RELN: variants seen among roughly 807,000 people sequenced by gnomAD.
RELN encodes the protein reelin.
Under a neutral mutation model 427.6 loss-of-function variants are expected in RELN, and 108 were observed. That is an observed-to-expected ratio of 0.25 (90% confidence interval 0.22 to 0.30). The LOEUF is 0.30. Ranked by LOEUF, RELN falls within the 10% of genes least tolerant of loss-of-function variation. The pLI is 1.00. For synonymous variants in RELN, 1,524 were observed against 1,513.4 expected (o/e 1.01, Z -0.16); for missense variants, 3,715 against 4,302.8 (o/e 0.86, Z 3.82).
intron 4 of RELN, among the ~76,000 whole-genome samples, chr7:103,755,926 C>T (rs1234222837): frequency 6.6e-6 from 1 of 151,594 alleles, no homozygotes; most frequent in Non-Finnish European, 1.5e-5. Flanking sequence ...AAAGAAAAAC[C>T]CTGTCTACAC....
intron 17 of RELN, among the ~76,000 whole-genome samples, chr7:103,637,386 G>T (rs977525347): frequency 9.9e-5 from 15 of 152,168 alleles, no homozygotes; most frequent in African/African-American, 3.6e-4. Flanking sequence ...TACAAAGCAA[G>T]TGTACCAATG....
chr7:103,966,685 A>G (rs984388961), intron 1 of RELN, among the ~76,000 whole-genome samples: 1 of 152,238 alleles, frequency 6.6e-6, no homozygotes, highest in African/African-American at 2.4e-5. Context: ...CGGAAGCTAC[A>G]AATGTACCAG....
chr7:103,972,894 A>ATGTG (rs34930399), intron 1 of RELN, among the ~76,000 whole-genome samples: 4,449 of 149,246 alleles, frequency 0.03, 224 homozygotes, highest in African/African-American at 0.098. Context: ...GCATATGATT[A>ATGTG]TGTGTGTGTG....
At chr7:103,547,142 T>G (rs1286272625) in intron 41 of RELN, among the ~76,000 whole-genome samples, 2 of 152,202 alleles carry the variant, frequency 1.3e-5, no homozygotes, top group Non-Finnish European at 2.9e-5. Context: ...AATTTTCAAT[T>G]ATCATAGAAA....
intron 8 of RELN, among the ~76,000 whole-genome samples, chr7:103,707,782 C>A (rs1023982016): frequency 5.9e-5 from 9 of 152,180 alleles, no homozygotes; most frequent in Admixed American, 1.3e-4. Context: ...CAGGCACGAG[C>A]CACCACGCCC....
chr7:103,955,830 T>C (rs1796421944), intron 1 of RELN, among the ~76,000 whole-genome samples: 1 of 152,190 alleles, frequency 6.6e-6, no homozygotes, highest in African/African-American at 2.4e-5. Context: ...GCTTCAGACC[T>C]TGTCCTGAGA....
In RELN at chr7:103,545,249, T is replaced by G. The variant is rs1349996046; in HGVS notation, c.6398A>C (p.Glu2133Ala). 3 of 1,613,708 alleles carry G rather than the reference T, an allele frequency of 1.9e-6. No individual in the cohort carries two copies. The highest frequency in any genetic ancestry group is 2.5e-6 in the Non-Finnish European group (3 of 1,179,714). Reference protein sequence around the residue: ...IDNVYIGPQCEEMCNGQGSCI... With the variant: ...IDNVYIGPQCAEMCNGQGSCI... ...GCTCCCCTGTCCATTACACATCTCCTCACACTGGGGACCGATGTAGACATT... is the reference window on the plus strand; with the variant it reads ...GCTCCCCTGTCCATTACACATCTCCGCACACTGGGGACCGATGTAGACATT... The change falls in exon 42 of 65, where the codon GAG becomes GCG. Residue 2133 changes from glutamate to alanine, a missense_variant. This residue lies in a region of RELN where 1,310 missense variants were observed against 1,643.0 expected (regional missense o/e 0.80). Transcript: ENST00000428762.
chr7:103,939,453 A>G (rs989196521), intron 1 of RELN, among the ~76,000 whole-genome samples: 4 of 152,148 alleles, frequency 2.6e-5, no homozygotes, highest in African/African-American at 4.8e-5. Flanking sequence ...GCCCAAGATA[A>G]ATACAGACAG....
At chr7:103,548,582 G>T (rs1830349198) in intron 41 of RELN, among the ~76,000 whole-genome samples, 1 of 152,196 alleles carries the variant, frequency 6.6e-6, no homozygotes. Flanking sequence ...ATACCATTCT[G>T]AGAACAGGCA....
chr7:103,497,506 G>A (rs1828876908), intron 55 of RELN, among the ~76,000 whole-genome samples: 1 of 152,044 alleles, frequency 6.6e-6, no homozygotes, highest in East Asian at 1.9e-4. Context: ...TTTTAAAAAT[G>A]ATCTTTTACT....
intron 45 of RELN, among the ~76,000 whole-genome samples, chr7:103,538,474 A>T (rs1050691000): frequency 6.6e-6 from 1 of 152,142 alleles, no homozygotes; most frequent in Non-Finnish European, 1.5e-5. Flanking sequence ...GAGTGTACAC[A>T]TGCACATACT....
chr7:103,492,182 G>T (rs1036254153), intron 57 of RELN, among the ~76,000 whole-genome samples, 156 bp from the exon 58 acceptor site: 9 of 151,920 alleles, frequency 5.9e-5, no homozygotes, highest in African/African-American at 2.2e-4. Flanking sequence ...ACATTCTTTT[G>T]GATTCTGTTA....
chr7:103,940,325 A>G (rs1796084980), intron 1 of RELN, among the ~76,000 whole-genome samples: 1 of 152,222 alleles, frequency 6.6e-6, no homozygotes, highest in Non-Finnish European at 1.5e-5. Flanking sequence ...AACGATTTAT[A>G]TGAATTTTTC....
At chr7:103,558,448 G>A (rs1169814927) in intron 36 of RELN, among the ~76,000 whole-genome samples, 3 of 152,168 alleles carry the variant, frequency 2.0e-5, no homozygotes, top group Non-Finnish European at 4.4e-5. Flanking sequence ...GGAACTGATA[G>A]GTGACTTTCT....
At position 103,912,852 on chromosome 7, in the gene RELN, A is replaced by G. The variant is rs140181976; in HGVS notation, c.337+4223T>C. Among the ~76,000 whole-genome samples the G allele has an allele frequency of 4.1e-4, 63 of 152,290 alleles. 1 individual carries two copies. In the East Asian group the frequency reaches 0.012, roughly 28 times the overall value. On this transcript the variant is annotated intron_variant, in intron 2 of 64. Coordinates refer to ENST00000428762, the MANE Select transcript of RELN (RefSeq NM_005045.4). Reference sequence around the variant, plus strand: ...TATTCAAATAATCCTTCATTGAGCGACCACAATGAGCCTTGAAGATTTACA... The same window carrying G: ...TATTCAAATAATCCTTCATTGAGCGGCCACAATGAGCCTTGAAGATTTACA...
rs569316705 is a variant in RELN, at chr7:103,658,811, C to T, written c.1441+2565G>A. On this transcript the variant is annotated intron_variant, in intron 12 of 64. Coordinates refer to ENST00000428762, the MANE Select transcript of RELN (RefSeq NM_005045.4). ...AGCCCTTATCCTGGTTGATCTCTCT[C>T]TCTCTCTCTCTCTGGCATTCCTTAC... 4.1e-4 allele frequency among the ~76,000 whole-genome samples: 63 copies of T among 152,096 alleles called. No individual in the cohort carries two copies. The South Asian group carries it at 6.5e-3, about 16-fold the overall frequency.
At chr7:103,642,292 T>A (rs973306218) in intron 16 of RELN, among the ~76,000 whole-genome samples, 4 of 151,910 alleles carry the variant, frequency 2.6e-5, no homozygotes, top group Non-Finnish European at 5.9e-5. Flanking sequence ...TTTTTCTCTA[T>A]TTTTTTCTGT....
At chr7:103,663,057 C>A (rs1255291495) in intron 11 of RELN, among the ~76,000 whole-genome samples, 1 of 152,102 alleles carries the variant, frequency 6.6e-6, no homozygotes, top group African/African-American at 2.4e-5. Context: ...TGAATCTTAA[C>A]TTTTTGTCTA....
intron 2 of RELN, among the ~76,000 whole-genome samples, chr7:103,903,420 T>C (rs1190886560): frequency 6.6e-6 from 1 of 152,112 alleles, no homozygotes; most frequent in Non-Finnish European, 1.5e-5. Context: ...AAGTATCCCA[T>C]GTAATGACCT....
Sources: gnomAD v4.1 joint callset for allele counts (sites outside exome capture counted in the v4.1 genomes callset) on GRCh38, gnomAD v4.1.1 for gene constraint, gnomAD v4.1.1 regional missense constraint, MANE v1.5 for transcripts, NCBI Gene and HGNC (gene_info 2026-07-23, HGNC 2026-07-21) for gene names.